Variants in PPP2R5E observed in about 807,000 individuals in gnomAD.
PPP2R5E encodes protein phosphatase 2 regulatory subunit B'epsilon, also known as serine/threonine-protein phosphatase 2A 56 kDa regulatory subunit epsilon isoform.
Under a neutral mutation model 65.3 loss-of-function variants are expected in PPP2R5E, and 4 were observed. The observed-to-expected ratio is 0.06, with a 90% CI of 0.03 to 0.14. The LOEUF is 0.14. Ranked by LOEUF, PPP2R5E falls within the 10% of genes least tolerant of loss-of-function variation. PPP2R5E has a pLI of 1.00. For missense variants in PPP2R5E, 274 were observed against 556.1 expected (o/e 0.49, Z 5.10); for synonymous variants, 183 against 187.4 (o/e 0.98, Z 0.19).
intron 2 of PPP2R5E, among the ~76,000 whole-genome samples, chr14:63,524,058 G>T (rs984240990): frequency 4.6e-5 from 7 of 152,172 alleles, no homozygotes; most frequent in African/African-American, 1.4e-4. Flanking sequence ...GTTAATTCAA[G>T]TCTGTATCTC....
intron 2 of PPP2R5E, among the ~76,000 whole-genome samples, chr14:63,462,240 T>C (rs1170292479): frequency 2.0e-5 from 3 of 152,018 alleles, no homozygotes; most frequent in African/African-American, 7.3e-5. Context: ...CCGGCTAATT[T>C]TTTGTATTTT....
chr14:63,386,537 T>A (rs1268365098), intron 11 of PPP2R5E, among the ~76,000 whole-genome samples: 1 of 152,060 alleles, frequency 6.6e-6, no homozygotes, highest in Non-Finnish European at 1.5e-5. Context: ...AGATGCTATA[T>A]CAGATATATG....
intron 2 of PPP2R5E, among the ~76,000 whole-genome samples, chr14:63,502,784 G>A (rs1891955055): frequency 6.6e-6 from 1 of 152,162 alleles, no homozygotes; most frequent in African/African-American, 2.4e-5. Context: ...AAATCTACCA[G>A]TAGAAAACTA....
chr14:63,451,287 A>T (rs1041156719), intron 3 of PPP2R5E: 2 of 152,260 alleles, frequency 1.3e-5, no homozygotes, highest in African/African-American at 4.8e-5. Context: ...AGCTTTATTC[A>T]TAATTGCCAA....
intron 4 of PPP2R5E, among the ~76,000 whole-genome samples, chr14:63,420,902 A>C (rs1886976379): frequency 7.7e-6 from 1 of 129,336 alleles, no homozygotes; most frequent in Non-Finnish European, 1.6e-5. Flanking sequence ...AATACAAAAA[A>C]ATTAGCCGGG....
At chr14:63,483,577 G>A (rs899751022) in intron 2 of PPP2R5E, among the ~76,000 whole-genome samples, 1 of 152,090 alleles carries the variant, frequency 6.6e-6, no homozygotes, top group Non-Finnish European at 1.5e-5. Flanking sequence ...GAAAGAGGGC[G>A]CCACTAGAGA....
chr14:63,511,778 T>G (rs1461437398), intron 2 of PPP2R5E, among the ~76,000 whole-genome samples: 2 of 151,966 alleles, frequency 1.3e-5, no homozygotes, highest in Non-Finnish European at 2.9e-5. Context: ...GTGCAAAAAA[T>G]TACCAAGATA....
chr14:63,444,778 T>C (rs1008679624), intron 3 of PPP2R5E, among the ~76,000 whole-genome samples: 9 of 152,052 alleles, frequency 5.9e-5, no homozygotes, highest in African/African-American at 2.2e-4. Context: ...TTAAAAAAAA[T>C]ATGCCTCAGG....
At chr14:63,389,797 G>T (rs1357185787) in intron 10 of PPP2R5E, 66 bp from the exon 11 acceptor site, 5 of 1,404,246 alleles carry the variant, frequency 3.6e-6, no homozygotes, top group Non-Finnish European at 4.7e-6. Context: ...AGAACAAGGA[G>T]GATTAATGAG....
intron 2 of PPP2R5E, among the ~76,000 whole-genome samples, chr14:63,527,778 A>T (rs1484974873): frequency 1.3e-5 from 2 of 152,162 alleles, no homozygotes. Context: ...TACTAAAAAT[A>T]CAAAAACTTA....
At chr14:63,494,172 TAAGA>T (rs1243822241) in intron 2 of PPP2R5E, among the ~76,000 whole-genome samples, 2 of 152,218 alleles carry the variant, frequency 1.3e-5, no homozygotes, top group African/African-American at 2.4e-5. Flanking sequence ...ATGTTATCAA[TAAGA>T]AAGTGGTCTT....
intron 2 of PPP2R5E, among the ~76,000 whole-genome samples, chr14:63,497,020 C>G (rs906287759): frequency 6.6e-6 from 1 of 152,090 alleles, no homozygotes; most frequent in Non-Finnish European, 1.5e-5. Flanking sequence ...TACCCCTCCC[C>G]CTGCCCACAG....
chr14:63,466,069 G>A (rs1488916406), intron 2 of PPP2R5E, among the ~76,000 whole-genome samples: 1 of 152,070 alleles, frequency 6.6e-6, no homozygotes, highest in African/African-American at 2.4e-5. Flanking sequence ...TCAGTTAATT[G>A]AGGGTCCTTC....
chr14:63,397,428 G>A (rs1334968904), intron 5 of PPP2R5E, among the ~76,000 whole-genome samples: 1 of 148,208 alleles, frequency 6.7e-6, no homozygotes, highest in Admixed American at 6.8e-5. Context: ...CCTGAACCCA[G>A]GAGGCAGAGG....
chr14:63,393,611 C>T (rs1566670328), intron 8 of PPP2R5E, among the ~76,000 whole-genome samples: 1 of 151,996 alleles, frequency 6.6e-6, no homozygotes, highest in Non-Finnish European at 1.5e-5. Flanking sequence ...ACTCGGGAGG[C>T]TGAGGCAGAA....
At chr14:63,483,748 G>C (rs1890828811) in intron 2 of PPP2R5E, among the ~76,000 whole-genome samples, 2 of 152,122 alleles carry the variant, frequency 1.3e-5, no homozygotes, top group South Asian at 4.1e-4. Flanking sequence ...AGAAAGGAAA[G>C]AGCAGAGCCG....
At chr14:63,388,690 T>G (rs1884826469) in intron 11 of PPP2R5E, among the ~76,000 whole-genome samples, 1 of 152,212 alleles carries the variant, frequency 6.6e-6, no homozygotes, top group Non-Finnish European at 1.5e-5. Flanking sequence ...TTTAACATAT[T>G]AACATGTCTT....
intron 3 of PPP2R5E, among the ~76,000 whole-genome samples, chr14:63,440,319 T>G (rs28496722): frequency 0.3 from 46,148 of 151,672 alleles, 8,615 homozygotes; most frequent in African/African-American, 0.52. Flanking sequence ...AGAAGCAGCG[T>G]TAACAATTCA....
In PPP2R5E at chr14:63,374,430, G is replaced by A. The variant is rs1476797859; in HGVS notation, c.*1579C>T. ...CTCTATACCATGAATACTGCTGGAA[G>A]TGATGGTTTAGGATTACCAACTCAC... On this transcript the variant is annotated 3_prime_UTR_variant, in exon 14 of 14. Coordinates refer to ENST00000337537, the MANE Select transcript of PPP2R5E (RefSeq NM_006246.5). The A allele has an allele frequency of 1.3e-5, 2 of 151,778 alleles. No homozygotes were observed. Among genetic ancestry groups the A allele is most frequent in the Non-Finnish European group, 2.9e-5 (2 of 67,952 alleles). 9.4% of individuals were successfully genotyped at this position (151,778 alleles called of 1,614,324 possible). A position where few individuals can be genotyped will look rare whatever the true frequency, so the allele number is the denominator to read the frequency against.
Sources: gnomAD v4.1 joint callset for allele counts (sites outside exome capture counted in the v4.1 genomes callset) on GRCh38, gnomAD v4.1.1 for gene constraint, MANE v1.5 for transcripts, NCBI Gene and HGNC (gene_info 2026-07-23, HGNC 2026-07-21) for gene names.